RTN4RL1: variants seen among roughly 807,000 people sequenced by gnomAD.
RTN4RL1 encodes reticulon 4 receptor like 1.
RTN4RL1 carries 7 observed loss-of-function variants against 25.6 expected under a neutral mutation model. The observed-to-expected ratio is 0.27, with a 90% CI of 0.16 to 0.51. The LOEUF is 0.51. Among genes scored for constraint, RTN4RL1 ranks in the 20% least tolerant of loss-of-function variants. The pLI, the probability that RTN4RL1 is intolerant of heterozygous loss-of-function variation, is 0.97. For synonymous variants in RTN4RL1, 297 were observed against 288.2 expected (o/e 1.03, Z -0.31); for missense variants, 500 against 615.6 (o/e 0.81, Z 1.99).
chr17:1,978,056 A>G (rs1050621631), intron 1 of RTN4RL1, among the ~76,000 whole-genome samples: 10 of 151,546 alleles, frequency 6.6e-5, no homozygotes, highest in African/African-American at 1.9e-4. Flanking sequence ...GGCACCCCGC[A>G]GCTGCACGCA....
At chr17:2,005,775 CTTTT>C (rs1462623285) in intron 1 of RTN4RL1, among the ~76,000 whole-genome samples, 1 of 145,172 alleles carries the variant, frequency 6.9e-6, no homozygotes, top group Non-Finnish European at 1.5e-5. Context: ...CCTTCTCTTT[CTTTT>C]TTCTTTTATT....
chr17:1,962,864 A>G (rs1201689381), intron 1 of RTN4RL1, among the ~76,000 whole-genome samples: 1 of 320 alleles, frequency 3.1e-3, no homozygotes, highest in African/African-American at 3.6e-3. Flanking sequence ...TCGATCTCAG[A>G]AAAAAAAAAA....
intron 1 of RTN4RL1, among the ~76,000 whole-genome samples, chr17:1,967,672 C>T (rs1476523630): frequency 6.6e-6 from 1 of 151,898 alleles, no homozygotes; most frequent in African/African-American, 2.4e-5. Context: ...AACAGAGTCT[C>T]ACTGTCACCC....
intron 1 of RTN4RL1, among the ~76,000 whole-genome samples, chr17:1,945,008 C>T (rs539758234): frequency 8.3e-4 from 127 of 152,244 alleles, no homozygotes; most frequent in African/African-American, 2.8e-3. Flanking sequence ...GCTGCCACCC[C>T]CTCCTTCCCT....
In RTN4RL1 at chr17:2,024,833, C is replaced by A. The variant is rs376963541; in HGVS notation, c.13+20G>T. On this transcript the variant is annotated intron_variant, in intron 1 of 1. Coordinates refer to ENST00000331238, the MANE Select transcript of RTN4RL1 (RefSeq NM_178568.4). ...CCGGAGCGCATTCAACTTCAACTTG[C>A]CCCTGCGGCTCCAACTCACCTTTGC... 2.5e-6 allele frequency: 4 copies of A among 1,570,440 alleles called. No individual in the cohort carries two copies. The highest frequency in any genetic ancestry group is 1.8e-5 in the Admixed American group (1 of 54,842).
At chr17:2,012,260 A>T (rs1161546980) in intron 1 of RTN4RL1, among the ~76,000 whole-genome samples, 1 of 152,166 alleles carries the variant, frequency 6.6e-6, no homozygotes, top group East Asian at 1.9e-4. Context: ...TATTTTCCTA[A>T]CACAGCGCCT....
intron 1 of RTN4RL1, among the ~76,000 whole-genome samples, chr17:2,005,270 G>T (rs944223132): frequency 1.3e-5 from 2 of 152,170 alleles, no homozygotes; most frequent in African/African-American, 4.8e-5. Flanking sequence ...GCTTCCCAAA[G>T]TGCTGGGATT....
chr17:1,941,607 G>T (rs559563797), intron 1 of RTN4RL1, among the ~76,000 whole-genome samples: 15 of 151,980 alleles, frequency 9.9e-5, no homozygotes, highest in South Asian at 8.3e-4. Context: ...GCCAGGCGGT[G>T]GGGGGGGATC....
At chr17:1,990,268 G>A (rs1597229872) in intron 1 of RTN4RL1, among the ~76,000 whole-genome samples, 1 of 152,130 alleles carries the variant, frequency 6.6e-6, no homozygotes, top group East Asian at 1.9e-4. Flanking sequence ...CTGAGAGGCT[G>A]AGGCAGGAGA....
chr17:2,020,055 G>A (rs1378871982), intron 1 of RTN4RL1: 4 of 152,262 alleles, frequency 2.6e-5, no homozygotes, highest in Non-Finnish European at 5.9e-5. Flanking sequence ...TCTGGCATAA[G>A]GACCCGGAGC....
chr17:1,969,536 C>T (rs2066808831), intron 1 of RTN4RL1, among the ~76,000 whole-genome samples: 1 of 152,178 alleles, frequency 6.6e-6, no homozygotes. Flanking sequence ...GAGCTGCTTC[C>T]CCTTAGCCAG....
In RTN4RL1 at chr17:1,936,854, C is replaced by A; in HGVS notation, c.968G>T (p.Arg323Met). ...IKSHTLTTTD[R>M]AARKEHHSPH... ...TGAGTGGTGTTCCTTGCGGGCGGCC[C>A]TGTCGGTGGTGGTGAGCGTGTGTGA... The change falls in exon 2 of 2, where the codon AGG becomes ATG. Residue 323 changes from arginine (R) to methionine (M), a missense_variant. Physicochemically the swap from Arg to Met is moderately conservative, Grantham distance 91 (BLOSUM62 -1). Around this residue, in one of 2 missense-constraint regions of RTN4RL1, gnomAD observed 268 missense variants for 274.5 expected, o/e 0.98. Coordinates refer to ENST00000331238, the MANE Select transcript of RTN4RL1 (RefSeq NM_178568.4). 6.3e-7 allele frequency: 1 copy of A among 1,589,504 alleles called. No homozygotes were observed.
At position 1,959,046 on chromosome 17, in the gene RTN4RL1, G is replaced by A. The variant is rs147733080; in HGVS notation, c.14-21238C>T. ...GCCCTCTCAAAACACGCCGGTGGGC[G>A]AGCGGGAATCCTGGGCTCCGCTGGG... On this transcript the variant is annotated intron_variant, in intron 1 of 1. Coordinates refer to ENST00000331238, the MANE Select transcript of RTN4RL1 (RefSeq NM_178568.4). Among the ~76,000 whole-genome samples, 502 of 152,346 alleles carry A rather than the reference G, an allele frequency of 3.3e-3. 3 individuals are homozygous for A. The highest frequency in any genetic ancestry group is 0.012 in the African/African-American group (481 of 41,590).
At chr17:2,002,345 T>C (rs1275159415) in intron 1 of RTN4RL1, among the ~76,000 whole-genome samples, 2 of 150,792 alleles carry the variant, frequency 1.3e-5, no homozygotes, top group Non-Finnish European at 3.0e-5. Flanking sequence ...CAGGCTGGAG[T>C]GCAGTGGCGC....
intron 1 of RTN4RL1, among the ~76,000 whole-genome samples, chr17:1,955,984 C>T (rs879386599): frequency 2.6e-5 from 4 of 152,002 alleles, no homozygotes; most frequent in Non-Finnish European, 4.4e-5. Flanking sequence ...ATTGACAGAG[C>T]CTTGCTGTAT....
intron 1 of RTN4RL1, among the ~76,000 whole-genome samples, chr17:1,958,222 G>A (rs907418180): frequency 6.6e-6 from 1 of 152,044 alleles, no homozygotes; most frequent in African/African-American, 2.4e-5. Context: ...CCAAAGCGAA[G>A]TGATTTGTCC....
chr17:1,985,929 C>G (rs1005876424), intron 1 of RTN4RL1, among the ~76,000 whole-genome samples: 1 of 152,144 alleles, frequency 6.6e-6, no homozygotes, highest in Non-Finnish European at 1.5e-5. Flanking sequence ...CCTCCTCAAG[C>G]TGCCCCGCCT....
At chr17:1,953,599 T>G (rs900129397) in intron 1 of RTN4RL1, among the ~76,000 whole-genome samples, 3 of 152,050 alleles carry the variant, frequency 2.0e-5, no homozygotes, top group Admixed American at 2.0e-4. Context: ...AGAGTCTCAC[T>G]CTGTCACCAG....
chr17:1,959,486 CAG>C (rs1253138803), intron 1 of RTN4RL1, among the ~76,000 whole-genome samples: 5 of 152,156 alleles, frequency 3.3e-5, no homozygotes, highest in Admixed American at 6.6e-5. Context: ...CCTAAATCCC[CAG>C]AGCTCAGCCC....
Sources: gnomAD v4.1 joint callset for allele counts (sites outside exome capture counted in the v4.1 genomes callset) on GRCh38, gnomAD v4.1.1 for gene constraint, gnomAD v4.1.1 regional missense constraint, MANE v1.5 for transcripts, NCBI Gene and HGNC (gene_info 2026-07-23, HGNC 2026-07-21) for gene names.